MED15: variants seen among roughly 807,000 people sequenced by gnomAD.
The protein encoded by MED15 is mediator complex subunit 15, also known as mediator of RNA polymerase II transcription subunit 15.
MED15 carries 41 observed loss-of-function variants against 118.7 expected under a neutral mutation model. The observed-to-expected ratio is 0.35, with a 90% confidence interval of 0.27 to 0.45. The LOEUF is 0.45. Among genes scored for constraint, MED15 ranks in the 20% least tolerant of loss-of-function variants. The pLI, the probability that MED15 is intolerant of heterozygous loss-of-function variation, is 1.00. For synonymous variants in MED15, 436 were observed against 413.9 expected (o/e 1.05, Z -0.65); for missense variants, 740 against 1,025.5 (o/e 0.72, Z 3.80).
chr22:20,568,454 C>T (rs2056521364), intron 7 of MED15, 67 bp from the exon 8 acceptor site: 1 of 1,571,144 alleles, frequency 6.4e-7, no homozygotes, highest in African/African-American at 1.4e-5. Context: ...TAAGCTTCCA[C>T]AGGAAGACTA....
At chr22:20,568,691 TGTA>T in intron 8 of MED15, 60 bp downstream of exon 8, 2 of 1,579,484 alleles carry the variant, frequency 1.3e-6, no homozygotes, top group South Asian at 2.3e-5. Flanking sequence ...CACCTGCGCA[TGTA>T]GTGCTACAGT....
At chr22:20,575,287 C>T (rs1224353516) in intron 9 of MED15, 55 bp downstream of exon 9, 123 of 1,592,472 alleles carry the variant, frequency 7.7e-5, no homozygotes, top group Non-Finnish European at 9.7e-5. Flanking sequence ...GTCCTCTGAG[C>T]GCCTTTGTAA....
intron 1 of MED15, among the ~76,000 whole-genome samples, chr22:20,512,020 G>A (rs867983617): frequency 2.0e-5 from 2 of 98,638 alleles, no homozygotes; most frequent in South Asian, 6.3e-4. Flanking sequence ...ACAAGATCTT[G>A]CTCTGTGGCC....
intron 1 of MED15, among the ~76,000 whole-genome samples, chr22:20,516,541 A>T (rs931253249): frequency 4.0e-5 from 6 of 151,670 alleles, no homozygotes; most frequent in African/African-American, 1.5e-4. Flanking sequence ...AAGTGACCCC[A>T]CATGCCTACC....
At chr22:20,529,845 G>C (rs897857591) in intron 1 of MED15, among the ~76,000 whole-genome samples, 2 of 152,108 alleles carry the variant, frequency 1.3e-5, no homozygotes, top group African/African-American at 4.8e-5. Flanking sequence ...ACCTGCCTTG[G>C]CCTCCCAAAG....
intron 2 of MED15, among the ~76,000 whole-genome samples, chr22:20,545,473 CAAAAAAAA>C (rs56307139): frequency 3.3e-5 from 3 of 90,152 alleles, no homozygotes; most frequent in Non-Finnish European, 4.5e-5. Context: ...GACTCCACCT[CAAAAAAAA>C]AAAAAAAAAA....
At chr22:20,558,863 G>A (rs2056120347) in intron 5 of MED15, among the ~76,000 whole-genome samples, 1 of 152,164 alleles carries the variant, frequency 6.6e-6, no homozygotes, top group African/African-American at 2.4e-5. Flanking sequence ...CAAGCAATCA[G>A]CATACAAAGA....
intron 2 of MED15, among the ~76,000 whole-genome samples, chr22:20,546,076 C>T (rs910844515): frequency 6.6e-6 from 1 of 152,166 alleles, no homozygotes; most frequent in African/African-American, 2.4e-5. Context: ...AGGCCTCTTT[C>T]AAGTTTCAAC....
At chr22:20,551,399 C>T (rs2055771757) in intron 2 of MED15, 37 bp from the exon 3 acceptor site, 1 of 1,597,784 alleles carries the variant, frequency 6.3e-7, no homozygotes, top group Non-Finnish European at 8.6e-7. Flanking sequence ...TGCGCTTCTT[C>T]ATCTGGTATT....
Position 20,543,251 on chromosome 22 carries a change from G to A in MED15, c.156+6047G>A, listed in dbSNP as rs56239158. On this transcript the variant is annotated intron_variant, in intron 2 of 17. Transcript: ENST00000263205. ...TTTGGAGACGGAGTCTCACTCTCTCGCCCAGGCTGGAGTGCAGTGGCGTGA... is the reference window on the plus strand; with the variant it reads ...TTTGGAGACGGAGTCTCACTCTCTCACCCAGGCTGGAGTGCAGTGGCGTGA... Among the ~76,000 whole-genome samples, 22 of 119,942 alleles carry A rather than the reference G, an allele frequency of 1.8e-4. 1 individual carries two copies. Among genetic ancestry groups the A allele is most frequent in the African/African-American group, 6.3e-4 (19 of 30,270 alleles). 78.7% of individuals were successfully genotyped at this position (119,942 alleles called of 152,430 possible).
At chr22:20,545,584 G>A (rs528182671) in intron 2 of MED15, among the ~76,000 whole-genome samples, 1 of 152,154 alleles carries the variant, frequency 6.6e-6, no homozygotes, top group African/African-American at 2.4e-5. Context: ...TTAAATGGGT[G>A]AATTGTATCT....
chr22:20,559,875 C>G (rs1046813041), intron 5 of MED15, among the ~76,000 whole-genome samples: 4 of 152,142 alleles, frequency 2.6e-5, no homozygotes, highest in African/African-American at 9.7e-5. Context: ...TTATCCTTTC[C>G]TCTTCCCTCT....
chr22:20,567,588 G>A (rs570417744), intron 7 of MED15, among the ~76,000 whole-genome samples: 2 of 152,174 alleles, frequency 1.3e-5, no homozygotes, highest in South Asian at 2.1e-4. Context: ...CCTGGGAGTC[G>A]ACACACTGCC....
chr22:20,540,955 G>A (rs1408872049), intron 2 of MED15, among the ~76,000 whole-genome samples: 2 of 152,084 alleles, frequency 1.3e-5, no homozygotes, highest in South Asian at 4.2e-4. Flanking sequence ...ACAGCCAGGC[G>A]CGGTGGCTCA....
chr22:20,540,992 G>A (rs2055276419), intron 2 of MED15, among the ~76,000 whole-genome samples: 1 of 152,168 alleles, frequency 6.6e-6, no homozygotes, highest in African/African-American at 2.4e-5. Flanking sequence ...ACTTTGGGAG[G>A]CCGAGGTGGG....
chr22:20,522,583 A>G (rs1219506972), intron 1 of MED15: 1 of 152,110 alleles, frequency 6.6e-6, no homozygotes, highest in East Asian at 1.9e-4. Flanking sequence ...CTTGCAGGAG[A>G]AAGGGAGGAG....
intron 1 of MED15, among the ~76,000 whole-genome samples, chr22:20,518,104 A>ATGCGTCAG (rs1173975784): frequency 6.6e-5 from 10 of 152,274 alleles, no homozygotes; most frequent in African/African-American, 2.4e-4. Context: ...TAATGCGTCA[A>ATGCGTCAG]CATCGACAAG....
intron 14 of MED15, 83 bp from the exon 15 acceptor site, chr22:20,584,772 G>A: frequency 1.3e-6 from 2 of 1,522,474 alleles, no homozygotes; most frequent in East Asian, 4.6e-5. Context: ...GACTGTGAGT[G>A]ACCATGGGCC....
intron 1 of MED15, among the ~76,000 whole-genome samples, chr22:20,516,644 TGCTGG>T (rs2054268361): frequency 6.6e-6 from 1 of 151,920 alleles, no homozygotes. Flanking sequence ...CAAGGACCCA[TGCTGG>T]GCATCCCGAG....
Sources: allele counts gnomAD v4.1 joint callset (sites outside exome capture counted in the v4.1 genomes callset), GRCh38; gene constraint gnomAD v4.1.1; transcripts MANE v1.5; gene names NCBI Gene and HGNC (gene_info 2026-07-23, HGNC 2026-07-21).